The following TRIM28 variants were observed in gnomAD, a reference collection of about 807,000 sequenced individuals.
TRIM28 encodes the protein transcription intermediary factor 1-beta.
TRIM28 carries 8 observed loss-of-function variants against 87.4 expected under a neutral mutation model. That is an observed-to-expected ratio of 0.09 (90% confidence interval 0.05 to 0.17). The LOEUF (loss-of-function observed/expected upper bound fraction) is 0.17. Among genes scored for constraint, TRIM28 ranks in the 10% least tolerant of loss-of-function variants. The probability of loss-of-function intolerance (pLI) is 1.00; values close to 1 mark genes in which losing one functional copy is unlikely to be tolerated. For synonymous variants in TRIM28, 601 were observed against 454.3 expected (o/e 1.32, Z -4.11); for missense variants, 968 against 1,131.8 (o/e 0.86, Z 2.08).
rs558646425 is a variant in TRIM28, at chr19:58,545,302, C to T, written c.341-123C>T. 1.4e-4 allele frequency: 133 copies of T among 943,392 alleles called. 1 individual carries two copies. In the African/African-American group the frequency reaches 1.7e-3, roughly 12 times the overall value. The allele number at this position is 943,392 out of a possible 1,614,324, so 58.4% of individuals were successfully genotyped here. A position where few individuals can be genotyped will look rare whatever the true frequency, so the allele number is the denominator to read the frequency against. ...GACTAAAGTTGGAGAAAAGAAGGCT[C>T]GGGGAGGGGAGGGGCTGGTTCGCTG... On this transcript the variant is annotated intron_variant, in intron 1 of 16. Transcript: ENST00000253024.
In TRIM28 at chr19:58,545,053, C is replaced by T. The variant is rs1400071220; in HGVS notation, c.296C>T (p.Ala99Val). ...TGCTTAGGGCCCGCGGCCCCCGCCG[C>T]CGCCAACAGCTCGGGGGACGGCGGG... ...SACLGPAAPAAANSSGDGGAA... is the reference protein window; with the variant it reads ...SACLGPAAPAVANSSGDGGAA... Residue 99 changes from alanine (A) to valine (V), a missense_variant, in exon 1 of 17, where the codon GCC (alanine) becomes GTC (valine). By Grantham distance (64) the Ala-to-Val change is moderately conservative (BLOSUM62 0). This residue lies in a region of TRIM28 where 208 missense variants were observed against 170.9 expected (regional missense o/e 1.22). Coordinates refer to ENST00000253024, the MANE Select transcript of TRIM28 (RefSeq NM_005762.3). 4 of 1,457,176 alleles carry T rather than the reference C, an allele frequency of 2.7e-6. No individual in the cohort carries two copies. The East Asian group carries it at 8.0e-5, about 29-fold the overall frequency. 90.3% of individuals were successfully genotyped at this position (1,457,176 alleles called of 1,614,324 possible). A position where few individuals can be genotyped will look rare whatever the true frequency, so the allele number is the denominator to read the frequency against.
At chr19:58,545,929 T>C (rs1467638418) in intron 3 of TRIM28, 33 bp downstream of exon 3, 2 of 1,572,678 alleles carry the variant, frequency 1.3e-6, no homozygotes, top group Admixed American at 3.4e-5. Flanking sequence ...GTTGGAGTTG[T>C]TCTCCCATGT....
Position 58,545,566 on chromosome 19 carries a change from G to A in TRIM28, c.453+29G>A, listed in dbSNP as rs549347620. 4 of 1,574,256 alleles carry A rather than the reference G, an allele frequency of 2.5e-6. No individual in the cohort carries two copies. The East Asian group carries it at 6.7e-5, about 27-fold the overall frequency. On this transcript the variant is annotated intron_variant, in intron 2 of 16. Coordinates refer to ENST00000253024, the MANE Select transcript of TRIM28 (RefSeq NM_005762.3). ...CGTCCTATCTCAGCAACCACAAGGA[G>A]GTTTCTGGGGAGGGGGCATCTGCGC... is the stretch of plus-strand genomic sequence containing the variant.
chr19:58,545,760 G>A lies in TRIM28; in HGVS notation c.454-4G>A. 2 of 1,600,842 alleles carry A rather than the reference G, an allele frequency of 1.2e-6. No individual in the cohort carries two copies. The highest frequency in any genetic ancestry group is 1.1e-5 in the South Asian group (1 of 90,842). Reference sequence around the variant, plus strand: ...CCTTCTCTGACCCTGCCTTTGTCTGGCAGTGCTGCACTAGCTGTGAGGATA... The same window carrying A: ...CCTTCTCTGACCCTGCCTTTGTCTGACAGTGCTGCACTAGCTGTGAGGATA... On this transcript the variant is annotated splice_polypyrimidine_tract_variant and splice_region_variant and intron_variant, in intron 2 of 16. Transcript: ENST00000253024.
Position 58,544,344 on chromosome 19 carries a change from G to T in TRIM28, c.-414G>T, listed in dbSNP as rs1422846341. 1.3e-5 allele frequency: 2 copies of T among 152,240 alleles called. No individual in the cohort carries two copies. The highest frequency in any genetic ancestry group is 4.8e-5 in the African/African-American group (2 of 41,450). 9.4% of individuals were successfully genotyped at this position (152,240 alleles called of 1,614,324 possible). A position where few individuals can be genotyped will look rare whatever the true frequency, so the allele number is the denominator to read the frequency against. On this transcript the variant is annotated 5_prime_UTR_variant, in exon 1 of 17. Coordinates refer to ENST00000253024, the MANE Select transcript of TRIM28 (RefSeq NM_005762.3). The stretch of plus-strand genomic sequence containing the variant: ...TAGGAGTTGGCGCGTGCGTACTGGC[G>T]GCCTCTCCCGCACCGACCGGCCTGG...
chr19:58,550,061 A>AGG, intron 15 of TRIM28, 26 bp downstream of exon 15: 1 of 1,613,776 alleles, frequency 6.2e-7, no homozygotes, highest in Non-Finnish European at 8.5e-7. Flanking sequence ...GGAAAGGGGA[A>AGG]GGGGGTGGTG....
intron 2 of TRIM28, 100 bp from the exon 3 acceptor site, chr19:58,545,664 G>C (rs947120996): frequency 8.9e-5 from 138 of 1,548,992 alleles, no homozygotes; most frequent in Non-Finnish European, 1.2e-4. Flanking sequence ...CCTAGGTTGG[G>C]TCAAGGGACC....
Position 58,549,219 on chromosome 19 carries a change from G to C in TRIM28, c.1641G>C (p.Leu547=). 6.2e-7 allele frequency: 1 copy of C among 1,613,654 alleles called. No homozygotes were observed. Among genetic ancestry groups the C allele is most frequent in the South Asian group, 1.1e-5 (1 of 91,056 alleles). Residue 547 remains leucine (L), a synonymous_variant, in exon 12 of 17, where the codon CTG becomes CTC. Transcript: ENST00000253024. The surrounding 1 kb of genome is among the most constrained non-coding windows in gnomAD (Gnocchi z 4.4). ...APAGTPGAPP[L]AGMAIVKEEE... is the part of the protein sequence containing the mutation. The stretch of plus-strand genomic sequence containing the variant: ...CAGGAACCCCTGGTGCCCCACCCCT[G>C]GCTGGCATGGCCATTGTCAAGGTAA...
In TRIM28 at chr19:58,549,184, A is replaced by G. The variant is rs1307106041; in HGVS notation, c.1606A>G (p.Thr536Ala). 6.2e-7 allele frequency: 1 copy of G among 1,613,868 alleles called. No homozygotes were observed. Among genetic ancestry groups the G allele is most frequent in the Non-Finnish European group, 8.5e-7 (1 of 1,179,910 alleles). The change falls in exon 12 of 17, where the codon ACT becomes GCT. Residue 536 changes from threonine to alanine, a missense_variant. By Grantham distance (58) the Thr-to-Ala change is moderately conservative. Around this residue, in one of 11 missense-constraint regions of TRIM28, gnomAD observed 164 missense variants for 146.2 expected, o/e 1.12. Transcript: ENST00000253024. This position sits in a 1 kb window ranked among gnomAD's most constrained non-coding sequence, Gnocchi z 4.4. ...AAAAATGQPGTAPAGTPGAPP... is the reference protein window; with the variant it reads ...AAAAATGQPGAAPAGTPGAPP... ...CGCTGCAGCTACCGGCCAGCCAGGG[A>G]CTGCGCCTGCAGGAACCCCTGGTGC...
chr19:58,544,753 T>C lies in TRIM28; in HGVS notation c.-5T>C. On this transcript the variant is annotated 5_prime_UTR_variant, in exon 1 of 17. Coordinates refer to ENST00000253024, the MANE Select transcript of TRIM28 (RefSeq NM_005762.3). ...CCCCCCCTGGGCGCCCCCGGCGGCG[T>C]GTGAATGGCGGCCTCCGCGGCGGCA... 5 of 1,052,484 alleles carry C rather than the reference T, an allele frequency of 4.8e-6. No homozygotes were observed. Among genetic ancestry groups the C allele is most frequent in the Non-Finnish European group, 5.8e-6 (5 of 867,848 alleles). 65.2% of individuals were successfully genotyped at this position (1,052,484 alleles called of 1,614,324 possible).
Position 58,549,360 on chromosome 19 carries a change from C to T in TRIM28, c.1692C>T (p.Ala564=), listed in dbSNP as rs2053792618. The T allele has an allele frequency of 1.9e-6, 3 of 1,568,486 alleles. No homozygotes were observed. The highest frequency in any genetic ancestry group is 2.6e-6 in the Non-Finnish European group (3 of 1,154,310). ...AGGAGACGGAGGCTGCCATTGGAGC[C>T]CCTCCTACTGCCACTGAGGGCCCTG... ...KEEETEAAIG[A]PPTATEGPET... The change falls in exon 13 of 17, where the codon GCC becomes GCT. Residue 564 remains alanine (A), a synonymous_variant. Transcript: ENST00000253024. This position sits in a 1 kb window ranked among gnomAD's most constrained non-coding sequence, Gnocchi z 4.4.
At chr19:58,546,320 G>A (rs949964406) in intron 3 of TRIM28, among the ~76,000 whole-genome samples, 1 of 152,178 alleles carries the variant, frequency 6.6e-6, no homozygotes, top group African/African-American at 2.4e-5. Flanking sequence ...AAGTGATGAT[G>A]ATTTTTGGAA....
In TRIM28 at chr19:58,549,618, C is replaced by G. The variant is rs369075383; in HGVS notation, c.1950C>G (p.Asp650Glu). 2 of 1,613,492 alleles carry G rather than the reference C, an allele frequency of 1.2e-6. No individual in the cohort carries two copies. Among genetic ancestry groups the G allele is most frequent in the East Asian group, 4.5e-5 (2 of 44,870 alleles). Residue 650 changes from aspartate to glutamate, a missense_variant, in exon 13 of 17, where the codon GAC becomes GAG. Asp to Glu is a conservative substitution (Grantham distance 45, BLOSUM62 2). This residue lies in a region of TRIM28 where 18 missense variants were observed against 40.9 expected (regional missense o/e 0.44). Transcript: ENST00000253024. The surrounding 1 kb of genome is among the most constrained non-coding windows in gnomAD (Gnocchi z 4.4). ...AGTGTGAGTTTTGTTTCCACCTGGA[C>G]TGTCACCTGCCGGCCCTGCAGGATG... Reference protein sequence around the residue: ...CNQCEFCFHLDCHLPALQDVP... With the variant: ...CNQCEFCFHLECHLPALQDVP...
At chr19:58,545,141 C>T (rs1006782763) in intron 1 of TRIM28, 44 bp downstream of exon 1, 4 of 1,373,764 alleles carry the variant, frequency 2.9e-6, no homozygotes, top group Non-Finnish European at 3.8e-6. Context: ...CTACTCTCTG[C>T]CTTTGATTCC....
rs751494059 is a variant in TRIM28 at position 58,549,633 on chromosome 19, C to T, written c.1965C>T (p.Ala655=). Residue 655 remains alanine (A), a synonymous_variant, in exon 13 of 17, where the codon GCC becomes GCT. Transcript: ENST00000253024. The surrounding 1 kb of genome is among the most constrained non-coding windows in gnomAD (Gnocchi z 4.4). ...TCCACCTGGACTGTCACCTGCCGGC[C>T]CTGCAGGATGTACCAGGGTGAGTGT... is the stretch of plus-strand genomic sequence containing the variant. ...FCFHLDCHLP[A]LQDVPGEEWS... 1 of 1,612,170 alleles carries T rather than the reference C, an allele frequency of 6.2e-7. No homozygotes were observed. The highest frequency in any genetic ancestry group is 1.3e-5 in the African/African-American group (1 of 74,882).
intron 3 of TRIM28, among the ~76,000 whole-genome samples, chr19:58,546,107 T>A (rs1489466643): frequency 6.6e-6 from 1 of 151,962 alleles, no homozygotes; most frequent in African/African-American, 2.4e-5. Flanking sequence ...GAAGGGGAAA[T>A]AAGGGAGACC....
In TRIM28 at chr19:58,544,975, G is replaced by T; in HGVS notation, c.218G>T (p.Arg73Leu). The change falls in exon 1 of 17, where the codon CGA (arginine) becomes CTA (leucine). Residue 73 changes from arginine (R) to leucine (L), a missense_variant. Coordinates refer to ENST00000253024, the MANE Select transcript of TRIM28 (RefSeq NM_005762.3). The part of the protein sequence containing the change: ...EHCGVCRERL[R>L]PEREPRLLPC... ...TGCGGCGTGTGCAGAGAGCGCCTGCGACCCGAGAGGGAGCCCCGCCTGCTG... is the reference window on the plus strand; with the variant it reads ...TGCGGCGTGTGCAGAGAGCGCCTGCTACCCGAGAGGGAGCCCCGCCTGCTG... 6.6e-7 allele frequency: 1 copy of T among 1,514,272 alleles called. No individual in the cohort carries two copies. Among genetic ancestry groups the T allele is most frequent in the South Asian group, 1.2e-5 (1 of 81,934 alleles). 93.8% of individuals were successfully genotyped at this position (1,514,272 alleles called of 1,614,324 possible).
At chr19:58,548,458 T>C in intron 8 of TRIM28, 28 bp from the exon 9 acceptor site, 1 of 1,614,072 alleles carries the variant, frequency 6.2e-7, no homozygotes. Context: ...GTGCTGCACC[T>C]ACTTACGTTT....
At position 58,544,812 on chromosome 19, in the gene TRIM28, A is replaced by G; in HGVS notation, c.55A>G (p.Ser19Gly). The G allele has an allele frequency of 8.2e-7, 1 of 1,224,184 alleles. No individual in the cohort carries two copies. The highest frequency in any genetic ancestry group is 1.0e-6 in the Non-Finnish European group (1 of 983,210). 75.8% of individuals were successfully genotyped at this position (1,224,184 alleles called of 1,614,324 possible). A position where few individuals can be genotyped will look rare whatever the true frequency, so the allele number is the denominator to read the frequency against. ...AGCAGCGGCCTCGGCCGCCTCTGGCAGCCCGGGCCCGGGCGAGGGCTCCGC... is the reference window on the plus strand; with the variant it reads ...AGCAGCGGCCTCGGCCGCCTCTGGCGGCCCGGGCCCGGGCGAGGGCTCCGC... ...SAAAASAASGSPGPGEGSAGG... is the reference protein window; with the variant it reads ...SAAAASAASGGPGPGEGSAGG... The change falls in exon 1 of 17, where the codon AGC (serine) becomes GGC (glycine). Residue 19 changes from serine (S) to glycine (G), a missense_variant. Around this residue, in one of 11 missense-constraint regions of TRIM28, gnomAD observed 208 missense variants for 170.9 expected, o/e 1.22. Coordinates refer to ENST00000253024, the MANE Select transcript of TRIM28 (RefSeq NM_005762.3).
Sources: allele counts gnomAD v4.1 joint callset (sites outside exome capture counted in the v4.1 genomes callset), GRCh38; gene constraint gnomAD v4.1.1; regional missense constraint gnomAD v4.1.1; non-coding constraint Gnocchi (gnomAD v3.1); transcripts MANE v1.5; gene names NCBI Gene and HGNC (gene_info 2026-07-23, HGNC 2026-07-21).